Variants in TLE4 observed in about 807,000 individuals in gnomAD.
TLE4 encodes the protein TLE family member 4, transcriptional corepressor, also known as transducin-like enhancer protein 4.
A neutral mutation model predicts 92.8 loss-of-function variants in TLE4; 8 were observed. That is an observed-to-expected ratio of 0.09 (90% confidence interval 0.05 to 0.16). TLE4 has a LOEUF of 0.16. TLE4 is among the 10% of genes least tolerant of loss of function. The pLI, the probability that TLE4 is intolerant of heterozygous loss-of-function variation, is 1.00. For missense variants in TLE4, 675 were observed against 997.6 expected, an observed-to-expected ratio of 0.68 and a Z score of 4.36; for synonymous variants, 371 against 374.1, an observed-to-expected ratio of 0.99 and a Z score of 0.10.
At chr9:79,680,244 C>G (rs1031595119) in intron 8 of TLE4, among the ~76,000 whole-genome samples, 1 of 150,654 alleles carries the variant, frequency 6.6e-6, no homozygotes, top group African/African-American at 2.4e-5. Context: ...TCTTCCTACC[C>G]ATGAGCATGG....
intron 4 of TLE4, among the ~76,000 whole-genome samples, chr9:79,593,424 C>T (rs1044759235): frequency 6.6e-6 from 1 of 152,060 alleles, no homozygotes; most frequent in African/African-American, 2.4e-5. Context: ...GCAAAAGGGT[C>T]AGCACTTGTG....
intron 14 of TLE4, among the ~76,000 whole-genome samples, chr9:79,715,993 T>G (rs369127876): frequency 1.3e-5 from 2 of 152,334 alleles, no homozygotes; most frequent in South Asian, 4.1e-4. Context: ...GCTTCTCCTC[T>G]AGATTACTGT....
intron 8 of TLE4, among the ~76,000 whole-genome samples, chr9:79,689,327 G>T (rs985857530): frequency 4.1e-5 from 6 of 144,620 alleles, no homozygotes; most frequent in African/African-American, 5.0e-5. Flanking sequence ...TTTTATTGTT[G>T]TTTTTTTTTT....
chr9:79,642,819 C>T (rs957670149), intron 6 of TLE4, among the ~76,000 whole-genome samples: 5 of 152,132 alleles, frequency 3.3e-5, no homozygotes, highest in South Asian at 2.1e-4. Context: ...TTGGTTGTTA[C>T]TTGCCATCCC....
intron 8 of TLE4, among the ~76,000 whole-genome samples, chr9:79,691,683 G>C (rs1027991167): frequency 6.6e-6 from 1 of 152,090 alleles, no homozygotes; most frequent in South Asian, 2.1e-4. Context: ...CTATGCATGT[G>C]TTATTCCCTC....
intron 6 of TLE4, among the ~76,000 whole-genome samples, chr9:79,636,070 C>T (rs1048374519): frequency 6.6e-6 from 1 of 152,064 alleles, no homozygotes; most frequent in African/African-American, 2.4e-5. Context: ...CATGTTTCCG[C>T]ATTTGTCTTT....
intron 17 of TLE4, among the ~76,000 whole-genome samples, chr9:79,722,143 G>A (rs903901211): frequency 1.1e-4 from 17 of 151,940 alleles, no homozygotes; most frequent in African/African-American, 3.9e-4. Flanking sequence ...GCAGCCTGGC[G>A]ACAGAGCAAG....
At chr9:79,719,904 T>C (rs1008813349) in intron 15 of TLE4, 142 bp from the exon 16 acceptor site, 3 of 1,102,700 alleles carry the variant, frequency 2.7e-6, no homozygotes, top group Middle Eastern at 3.0e-4. Flanking sequence ...TTTTCTAGCA[T>C]TAATCCACTT....
At chr9:79,671,360 C>T (rs1417312708) in intron 8 of TLE4, 4 of 433,548 alleles carry the variant, frequency 9.2e-6, no homozygotes, top group Non-Finnish European at 9.6e-6. Flanking sequence ...TAATAACTAC[C>T]CTGACGAGCT....
chr9:79,578,603 C>G (rs1176240192), intron 4 of TLE4, among the ~76,000 whole-genome samples: 2 of 152,074 alleles, frequency 1.3e-5, no homozygotes, highest in East Asian at 3.9e-4. Flanking sequence ...TCATCAGTCC[C>G]CCTGTGTTGA....
chr9:79,719,113 T>C (rs2075125678), intron 15 of TLE4, 142 bp downstream of exon 15: 1 of 1,282,522 alleles, frequency 7.8e-7, no homozygotes, highest in Non-Finnish European at 1.0e-6. Flanking sequence ...GATCTTTCAC[T>C]TGGAGGTGTG....
intron 8 of TLE4, among the ~76,000 whole-genome samples, chr9:79,680,235 C>T (rs904756348): frequency 1.6e-4 from 24 of 150,448 alleles, no homozygotes; most frequent in Admixed American, 5.9e-4. Flanking sequence ...GATATTGATT[C>T]TTCCTACCCA....
Position 79,572,803 on chromosome 9 carries a change from C to A in TLE4, c.13C>A (p.Leu5Met). Residue 5 changes from leucine (L) to methionine (M), a missense_variant, in exon 1 of 20, where the codon CTG becomes ATG. Leu to Met is a conservative substitution (Grantham distance 15). Coordinates refer to ENST00000376552, the MANE Select transcript of TLE4 (RefSeq NM_007005.6). ...TAAATCGGCTTGGATGATTCGCGAC[C>A]TGAGCAAGATGTACCCGCAGACCAG... MIRD[L>M]SKMYPQTRHP... The A allele has an allele frequency of 6.2e-7, 1 of 1,601,224 alleles. No individual in the cohort carries two copies. The highest frequency in any genetic ancestry group is 8.5e-7 in the Non-Finnish European group (1 of 1,174,668).
rs947971071 is a variant in TLE4, at chr9:79,724,849, TAAAAAAAAAA to T, written c.2215-165_2215-156del. ...GTGACTGAGGGAGACCCTGTCTTAT[TAAAAAAAAAA>T]AAAAAAAAAAAAAAAAAAAAAAGCA... On this transcript the variant is annotated intron_variant, in intron 19 of 19. Coordinates refer to ENST00000376552, the MANE Select transcript of TLE4 (RefSeq NM_007005.6). 1.8e-3 allele frequency among the ~76,000 whole-genome samples: 48 copies of T among 25,994 alleles called. No homozygotes were observed. In the East Asian group the frequency reaches 0.035, roughly 19 times the overall value. 17.1% of individuals were successfully genotyped at this position (25,994 alleles called of 152,430 possible). A position where few individuals can be genotyped will look rare whatever the true frequency, so the allele number is the denominator to read the frequency against.
chr9:79,637,547 A>G (rs2056192632), intron 6 of TLE4, among the ~76,000 whole-genome samples: 1 of 151,968 alleles, frequency 6.6e-6, no homozygotes, highest in Non-Finnish European at 1.5e-5. Flanking sequence ...TTGTCCAGCC[A>G]GAGCTCAGTG....
Position 79,701,061 on chromosome 9 carries a change from G to A in TLE4, c.610-3722G>A, listed in dbSNP as rs1458841371. 5.9e-5 allele frequency among the ~76,000 whole-genome samples: 9 copies of A among 151,922 alleles called. No homozygotes were observed. In the East Asian group the frequency reaches 7.7e-4, roughly 13 times the overall value. ...TTTCTAGTAAAAGCATGACTTTATC[G>A]GTATTTATTTAATTCCTCTTATTCA... is the stretch of plus-strand genomic sequence containing the variant. On this transcript the variant is annotated intron_variant, in intron 8 of 19. Coordinates refer to ENST00000376552, the MANE Select transcript of TLE4 (RefSeq NM_007005.6).
chr9:79,573,147 G>A, intron 1 of TLE4: 1 of 762,166 alleles, frequency 1.3e-6, no homozygotes, highest in Non-Finnish European at 1.7e-6. Context: ...CGATGAAGGA[G>A]GCGCGACTCC....
At chr9:79,701,557 C>T (rs954695035) in intron 8 of TLE4, among the ~76,000 whole-genome samples, 4 of 152,070 alleles carry the variant, frequency 2.6e-5, no homozygotes, top group African/African-American at 9.7e-5. Flanking sequence ...ATATATACTC[C>T]ATTTTTCTTC....
chr9:79,715,176 A>G (rs2074242274), intron 14 of TLE4, among the ~76,000 whole-genome samples: 1 of 152,208 alleles, frequency 6.6e-6, no homozygotes, highest in South Asian at 2.1e-4. Flanking sequence ...TTTCTTAACT[A>G]TTTGAAATCT....
Sources: allele counts gnomAD v4.1 joint callset (sites outside exome capture counted in the v4.1 genomes callset), GRCh38; gene constraint gnomAD v4.1.1; transcripts MANE v1.5; gene names NCBI Gene and HGNC (gene_info 2026-07-23, HGNC 2026-07-21).